The following CPD variants were observed in gnomAD, a reference collection of about 807,000 sequenced individuals.
CPD encodes metallocarboxypeptidase D.
CPD carries 69 observed loss-of-function variants against 138.3 expected under a neutral mutation model. The observed-to-expected ratio is 0.50, with a 90% CI of 0.41 to 0.61. The LOEUF is 0.61. CPD is among the 20% of genes least tolerant of loss of function. The pLI, the probability that CPD is intolerant of heterozygous loss-of-function variation, is 0.00. For missense variants in CPD, 1,432 were observed against 1,733.3 expected, an observed-to-expected ratio of 0.83 and a Z score of 3.09; for synonymous variants, 651 against 642.1, an observed-to-expected ratio of 1.01 and a Z score of -0.21.
chr17:30,431,798 G>A lies in CPD; in HGVS notation c.2044G>A (p.Asp682Asn), dbSNP rs776533265. ...TTCTTTGGTGGTTAACTACCCTTTT[G>A]ATGATGATGAACAAGGACTTGCCAC... ...GGSLVVNYPF[D>N]DDEQGLATYS... Residue 682 changes from aspartate to asparagine, a missense_variant, in exon 8 of 21, where the codon GAT becomes AAT. By Grantham distance (23) the Asp-to-Asn change is conservative. Transcript: ENST00000225719. The A allele has an allele frequency of 2.5e-6, 4 of 1,612,050 alleles. No homozygotes were observed. The highest frequency in any genetic ancestry group is 3.4e-6 in the Non-Finnish European group (4 of 1,178,872).
At position 30,379,776 on chromosome 17, in the gene CPD, G is replaced by T. The variant is rs768683244; in HGVS notation, c.746+50G>T. ...GTCCGTGTGAGCCTCCAAGGGCCGA[G>T]GCTGGTTCCGGCACCCAGTAGGCGC... is the stretch of plus-strand genomic sequence containing the variant. On this transcript the variant is annotated intron_variant, in intron 1 of 20. Coordinates refer to ENST00000225719, the MANE Select transcript of CPD (RefSeq NM_001304.5). The surrounding 1 kb of genome is among the most constrained non-coding windows in gnomAD (Gnocchi z 7.0). 23 of 1,298,256 alleles carry T rather than the reference G, an allele frequency of 1.8e-5. No homozygotes were observed. Among genetic ancestry groups the T allele is most frequent in the Non-Finnish European group, 2.1e-5 (21 of 997,908 alleles). The allele number at this position is 1,298,256 out of a possible 1,614,324, so 80.4% of individuals were successfully genotyped here. A position where few individuals can be genotyped will look rare whatever the true frequency, so the allele number is the denominator to read the frequency against.
chr17:30,408,569 A>G (rs1030690360), intron 2 of CPD, among the ~76,000 whole-genome samples: 2 of 152,142 alleles, frequency 1.3e-5, no homozygotes, highest in Non-Finnish European at 2.9e-5. Context: ...CTTTGTAGCA[A>G]TTGTGAATGG....
rs1220562367 is a variant in CPD at position 30,437,723 on chromosome 17, G to T, written c.2128-1252G>T. ...AAACCAAAACAAAACCAAAGCAAAA[G>T]AGCATGCATATAATTATTACAGTAA... On this transcript the variant is annotated intron_variant, in intron 8 of 20. Coordinates refer to ENST00000225719, the MANE Select transcript of CPD (RefSeq NM_001304.5). Among the ~76,000 whole-genome samples the T allele has an allele frequency of 3.9e-5, 6 of 152,114 alleles. No individual in the cohort carries two copies. The East Asian group carries it at 7.8e-4, about 20-fold the overall frequency.
intron 2 of CPD, among the ~76,000 whole-genome samples, chr17:30,388,822 C>T (rs1222246805): frequency 1.3e-5 from 2 of 152,178 alleles, no homozygotes; most frequent in African/African-American, 4.8e-5. Context: ...TAAGGAGTGG[C>T]CCGGAGCTGA....
chr17:30,423,131 T>A, intron 5 of CPD, 108 bp downstream of exon 5: 2 of 771,218 alleles, frequency 2.6e-6, no homozygotes, highest in Non-Finnish European at 4.0e-6. Context: ...TAACTGGCAT[T>A]AAGAAAACCT....
chr17:30,463,049 T>A (rs1371389818), intron 20 of CPD, among the ~76,000 whole-genome samples: 1 of 152,208 alleles, frequency 6.6e-6, no homozygotes, highest in Admixed American at 6.5e-5. Flanking sequence ...ACCCACAACC[T>A]TCTAGTGTGG....
At chr17:30,452,828 A>G (rs538147551) in intron 14 of CPD, among the ~76,000 whole-genome samples, 2 of 152,012 alleles carry the variant, frequency 1.3e-5, no homozygotes, top group South Asian at 4.2e-4. Flanking sequence ...ACAGCTCTAC[A>G]TGGCTGGGGA....
At chr17:30,411,956 T>C (rs1268310205) in intron 2 of CPD, among the ~76,000 whole-genome samples, 2 of 152,212 alleles carry the variant, frequency 1.3e-5, no homozygotes, top group African/African-American at 2.4e-5. Flanking sequence ...TTTTTGGAAT[T>C]TTCAGCTTTT....
chr17:30,399,861 G>A (rs1265650102), intron 2 of CPD, among the ~76,000 whole-genome samples: 1 of 152,038 alleles, frequency 6.6e-6, no homozygotes, highest in Non-Finnish European at 1.5e-5. Context: ...ATGGTGGCAG[G>A]CACCTGTAAT....
At chr17:30,397,288 A>C (rs568200076) in intron 2 of CPD, among the ~76,000 whole-genome samples, 50 of 152,366 alleles carry the variant, frequency 3.3e-4, no homozygotes, top group African/African-American at 1.1e-3. Context: ...CATTACAGTC[A>C]TTGGAAATTA....
chr17:30,408,911 A>G (rs1024572153), intron 2 of CPD, among the ~76,000 whole-genome samples: 2 of 151,446 alleles, frequency 1.3e-5, no homozygotes, highest in Non-Finnish European at 3.0e-5. Context: ...TGCTTGCAGT[A>G]TTCAAAAAAA....
At position 30,438,986 on chromosome 17, in the gene CPD, G is replaced by A; in HGVS notation, c.2139G>A (p.Gln713=). 1 of 1,550,610 alleles carries A rather than the reference G, an allele frequency of 6.4e-7. No individual in the cohort carries two copies. ...IALSYSKENS[Q]MFQGRPCKNM... ...TTTTGTTTTTCCAGGAAAATTCCCA[G>A]ATGTTTCAAGGTAGACCTTGCAAGA... The change falls in exon 9 of 21, where the codon CAG becomes CAA. Residue 713 remains glutamine (Q), a synonymous_variant. Coordinates refer to ENST00000225719, the MANE Select transcript of CPD (RefSeq NM_001304.5).
chr17:30,394,574 G>A (rs1165436359), intron 2 of CPD, among the ~76,000 whole-genome samples: 1 of 152,110 alleles, frequency 6.6e-6, no homozygotes, highest in Non-Finnish European at 1.5e-5. Context: ...TTATCTTTGT[G>A]CAAAATGTAT....
chr17:30,431,790 A>G lies in CPD; in HGVS notation c.2036A>G (p.Tyr679Cys). ...NLHGGSLVVN[Y>C]PFDDDEQGLA... is the part of the protein sequence containing the mutation. ...CTTATAGGTTCTTTGGTGGTTAACTACCCTTTTGATGATGATGAACAAGGA... is the reference window on the plus strand; with the variant it reads ...CTTATAGGTTCTTTGGTGGTTAACTGCCCTTTTGATGATGATGAACAAGGA... Residue 679 changes from tyrosine to cysteine, a missense_variant, in exon 8 of 21, where the codon TAC becomes TGC. Coordinates refer to ENST00000225719, the MANE Select transcript of CPD (RefSeq NM_001304.5). 6.2e-7 allele frequency: 1 copy of G among 1,611,684 alleles called. No homozygotes were observed. Among genetic ancestry groups the G allele is most frequent in the Non-Finnish European group, 8.5e-7 (1 of 1,178,612 alleles).
At position 30,464,824 on chromosome 17, in the gene CPD, T is replaced by A. The variant is rs768225967; in HGVS notation, c.*10T>A. On this transcript the variant is annotated 3_prime_UTR_variant, in exon 21 of 21. Transcript: ENST00000225719. ...TTCTAGCAAACATTGAAAAACACAT[T>A]TTGCATATCTCCCAGCATAAGTACC... The A allele has an allele frequency of 1.2e-6, 2 of 1,606,348 alleles. No homozygotes were observed. The highest frequency in any genetic ancestry group is 3.3e-5 in the Admixed American group (2 of 59,952).
chr17:30,379,452 G>A lies in CPD; in HGVS notation c.472G>A (p.Ala158Thr). Residue 158 changes from alanine to threonine, a missense_variant, in exon 1 of 21, where the codon GCC becomes ACC. By Grantham distance (58) the Ala-to-Thr change is moderately conservative. Around this residue, in one of 6 missense-constraint regions of CPD, gnomAD observed 484 missense variants for 477.2 expected, o/e 1.01. Transcript: ENST00000225719. The surrounding 1 kb of genome is among the most constrained non-coding windows in gnomAD (Gnocchi z 7.0). ...VLIYLARELA[A>T]GYRRGDPRLV... The stretch of plus-strand genomic sequence containing the variant: ...GATCTACTTGGCCCGCGAGCTGGCG[G>A]CCGGCTACCGCCGCGGGGACCCGCG... The A allele has an allele frequency of 6.4e-7, 1 of 1,570,360 alleles. No homozygotes were observed. Among genetic ancestry groups the A allele is most frequent in the Admixed American group, 1.8e-5 (1 of 56,628 alleles).
chr17:30,462,287 G>A, intron 19 of CPD, 83 bp from the exon 20 acceptor site: 1 of 1,193,064 alleles, frequency 8.4e-7, no homozygotes, highest in Non-Finnish European at 1.2e-6. Flanking sequence ...TCCTTAGTTT[G>A]CTATATGGGG....
At chr17:30,407,502 G>C (rs1412508941) in intron 2 of CPD, among the ~76,000 whole-genome samples, 1 of 152,020 alleles carries the variant, frequency 6.6e-6, no homozygotes, top group African/African-American at 2.4e-5. Context: ...TTTAATGATC[G>C]CCATTCTAAC....
intron 1 of CPD, chr17:30,380,554 T>C: frequency 6.8e-7 from 1 of 1,479,482 alleles, no homozygotes; most frequent in Non-Finnish European, 8.9e-7. Context: ...TTATTAAGCA[T>C]TGCATGAGGT....
Sources: gnomAD v4.1 joint callset for allele counts (sites outside exome capture counted in the v4.1 genomes callset) on GRCh38, gnomAD v4.1.1 for gene constraint, gnomAD v4.1.1 regional missense constraint, Gnocchi (gnomAD v3.1) non-coding constraint, MANE v1.5 for transcripts, NCBI Gene and HGNC (gene_info 2026-07-23, HGNC 2026-07-21) for gene names.